RBFOX1: variants seen among roughly 807,000 people sequenced by gnomAD.
RBFOX1 encodes RNA binding fox-1 homolog 1, also known as RNA binding protein fox-1 homolog 1.
A neutral mutation model predicts 57.7 loss-of-function variants in RBFOX1; 8 were observed. The observed-to-expected ratio is 0.14, with a 90% CI of 0.08 to 0.25. The LOEUF is 0.25. Among genes scored for constraint, RBFOX1 ranks in the 10% least tolerant of loss-of-function variants. The probability of loss-of-function intolerance (pLI) is 1.00; values close to 1 mark genes in which losing one functional copy is unlikely to be tolerated. For synonymous variants in RBFOX1, 326 were observed against 222.4 expected, an observed-to-expected ratio of 1.47 and a Z score of -4.15; for missense variants, 611 against 548.5, an observed-to-expected ratio of 1.11 and a Z score of -1.14.
intron 2 of RBFOX1, among the ~76,000 whole-genome samples, chr16:6,441,863 C>G (rs561994328): frequency 1.3e-5 from 2 of 152,254 alleles, no homozygotes; most frequent in East Asian, 1.9e-4. Flanking sequence ...CAGTCCTTCT[C>G]TATTGAATTG....
intron 4 of RBFOX1, among the ~76,000 whole-genome samples, chr16:7,199,465 G>A (rs60205853): frequency 0.19 from 29,555 of 152,092 alleles, 3,182 homozygotes; most frequent in East Asian, 0.38. Flanking sequence ...GTTTCAGGCA[G>A]CGTACGCCTG....
chr16:6,066,268 C>A (rs1263453456), intron 1 of RBFOX1, among the ~76,000 whole-genome samples: 2 of 121,560 alleles, frequency 1.6e-5, no homozygotes, highest in Non-Finnish European at 3.1e-5. Flanking sequence ...GCACTCCAGC[C>A]TGACTACAGA....
chr16:5,524,703 G>C (rs1310496397), intron 2 of RBFOX1, among the ~76,000 whole-genome samples: 2 of 151,970 alleles, frequency 1.3e-5, no homozygotes, highest in Non-Finnish European at 2.9e-5. Context: ...ACCGTGACTG[G>C]CTAATTTTTG....
chr16:7,263,373 C>T (rs1388013906), intron 4 of RBFOX1, among the ~76,000 whole-genome samples: 1 of 152,114 alleles, frequency 6.6e-6, no homozygotes, highest in East Asian at 1.9e-4. Flanking sequence ...CAGGAATCAT[C>T]AGGAGACTAG....
At position 6,933,667 on chromosome 16, in the gene RBFOX1, C is replaced by G. The variant is rs113019467; in HGVS notation, c.-15-118390C>G. Among the ~76,000 whole-genome samples, 984 of 152,300 alleles carry G rather than the reference C, an allele frequency of 6.5e-3. 15 individuals are homozygous for G. Among genetic ancestry groups the G allele is most frequent in the African/African-American group, 0.022 (922 of 41,574 alleles). ...GGGAGAGGTTGCAGTGAGTCAAGAT[C>G]GTATGACTGCACACTCCAGCCTGGG... On this transcript the variant is annotated intron_variant, in intron 3 of 15. Transcript: ENST00000550418.
chr16:7,428,675 A>G (rs1212055383), intron 4 of RBFOX1, among the ~76,000 whole-genome samples: 3 of 151,784 alleles, frequency 2.0e-5, no homozygotes, highest in African/African-American at 7.3e-5. Flanking sequence ...CTGACCAGAG[A>G]ATTAATATCT....
Position 6,872,678 on chromosome 16 carries a change from GC to G in RBFOX1, c.-15-179378del, listed in dbSNP as rs773633250. ...GAATGATTGGACACTGTCACTGCTA[GC>G]AAAATTATAATCCAGGGTAAGCTAG... On this transcript the variant is annotated intron_variant, in intron 3 of 15. Coordinates refer to ENST00000550418, the MANE Select transcript of RBFOX1 (RefSeq NM_018723.4). 5.3e-5 allele frequency among the ~76,000 whole-genome samples: 8 copies of G among 152,316 alleles called. No homozygotes were observed. The Middle Eastern group carries it at 0.017, about 324-fold the overall frequency.
At chr16:6,963,464 C>T (rs1281700705) in intron 3 of RBFOX1, among the ~76,000 whole-genome samples, 4 of 152,138 alleles carry the variant, frequency 2.6e-5, no homozygotes, top group Non-Finnish European at 5.9e-5. Flanking sequence ...CTCATGCTGT[C>T]TGAACCACTG....
intron 3 of RBFOX1, among the ~76,000 whole-genome samples, chr16:5,655,287 G>A (rs1275001555): frequency 1.3e-5 from 2 of 152,144 alleles, no homozygotes; most frequent in Non-Finnish European, 2.9e-5. Flanking sequence ...TTTTTTTTGA[G>A]TGTGGACTTG....
intron 2 of RBFOX1, among the ~76,000 whole-genome samples, chr16:6,475,540 C>A (rs1293509168): frequency 6.6e-6 from 1 of 152,144 alleles, no homozygotes; most frequent in Non-Finnish European, 1.5e-5. Context: ...TACCAGCAAC[C>A]AATATAGAGC....
intron 4 of RBFOX1, among the ~76,000 whole-genome samples, chr16:5,943,626 C>A (rs1026846313): frequency 2.0e-5 from 3 of 152,148 alleles, no homozygotes; most frequent in Admixed American, 6.5e-5. Context: ...TTCTCTGCAT[C>A]TTGATTGATT....
intron 4 of RBFOX1, among the ~76,000 whole-genome samples, chr16:7,369,213 T>C (rs1439415805): frequency 6.6e-6 from 1 of 151,582 alleles, no homozygotes; most frequent in Admixed American, 6.6e-5. Flanking sequence ...CCCAGCCCAA[T>C]AGTAAAAAGC....
intron 3 of RBFOX1, among the ~76,000 whole-genome samples, chr16:6,939,399 G>A (rs1454094405): frequency 6.6e-6 from 1 of 151,564 alleles, no homozygotes; most frequent in Non-Finnish European, 1.5e-5. Context: ...GTGTGTGTGT[G>A]TGTATATATA....
intron 4 of RBFOX1, among the ~76,000 whole-genome samples, chr16:7,430,784 C>T (rs545973297): frequency 1.4e-4 from 21 of 152,272 alleles, no homozygotes; most frequent in African/African-American, 4.3e-4. Context: ...GGTCGTCTTG[C>T]TACCTGGATG....
At chr16:5,670,622 C>G (rs1341609011) in intron 3 of RBFOX1, among the ~76,000 whole-genome samples, 2 of 152,210 alleles carry the variant, frequency 1.3e-5, no homozygotes, top group East Asian at 1.9e-4. Flanking sequence ...AGTACTAATC[C>G]TACACTCATA....
At chr16:7,011,006 T>C (rs2093628677) in intron 3 of RBFOX1, among the ~76,000 whole-genome samples, 2 of 152,156 alleles carry the variant, frequency 1.3e-5, no homozygotes, top group African/African-American at 2.4e-5. Context: ...ATTTTGTTTG[T>C]TGTTTGTTTG....
rs57068778 is a variant in RBFOX1, at chr16:6,617,015, C to A, written c.-63-37588C>A. Among the ~76,000 whole-genome samples, 111 of 152,208 alleles carry A rather than the reference C, an allele frequency of 7.3e-4. 2 individuals are homozygous for A. The East Asian group carries it at 0.02, about 27-fold the overall frequency. On this transcript the variant is annotated intron_variant, in intron 2 of 15. Coordinates refer to ENST00000550418, the MANE Select transcript of RBFOX1 (RefSeq NM_018723.4). ...CTTTGAAGATACATACTATCTGCTT[C>A]TTTGTAGGAAAAGTTTGTTGATTAC...
At chr16:6,612,709 G>C (rs113897272) in intron 2 of RBFOX1, among the ~76,000 whole-genome samples, 1 of 151,682 alleles carries the variant, frequency 6.6e-6, no homozygotes, top group African/African-American at 2.4e-5. Flanking sequence ...AAAATTAGCC[G>C]GGTGTGGTGG....
intron 1 of RBFOX1, among the ~76,000 whole-genome samples, chr16:5,337,784 A>G (rs75944982): frequency 0.015 from 2,297 of 152,292 alleles, 63 homozygotes; most frequent in African/African-American, 0.053. Context: ...CTGAGAGGGC[A>G]AGGAAGGAAC....
Sources: gnomAD v4.1 joint callset for allele counts (sites outside exome capture counted in the v4.1 genomes callset) on GRCh38, gnomAD v4.1.1 for gene constraint, MANE v1.5 for transcripts, NCBI Gene and HGNC (gene_info 2026-07-23, HGNC 2026-07-21) for gene names.